LIPA: variants seen among roughly 807,000 people sequenced by gnomAD.
The protein encoded by LIPA is lipase A, lysosomal acid type.
In LIPA, 26 loss-of-function variants were observed where a neutral mutation model predicts 40.6. That is an observed-to-expected ratio of 0.64 (90% CI 0.47 to 0.89). The LOEUF (loss-of-function observed/expected upper bound fraction) is 0.89. LIPA is among the 40% of genes least tolerant of loss of function. The pLI is 0.00. For synonymous variants in LIPA, 188 were observed against 168.4 expected (o/e 1.12, Z -0.90); for missense variants, 455 against 479.6 (o/e 0.95, Z 0.48).
intron 2 of LIPA, among the ~76,000 whole-genome samples, chr10:89,375,838 G>C (rs1247325115): frequency 6.6e-6 from 1 of 152,108 alleles, no homozygotes; most frequent in Non-Finnish European, 1.5e-5. Context: ...GTAATGTTGA[G>C]ATTTGGTGGG....
At chr10:89,400,321 TG>T (rs1463422430) in intron 2 of LIPA, among the ~76,000 whole-genome samples, 14 of 152,224 alleles carry the variant, frequency 9.2e-5, no homozygotes, top group African/African-American at 3.1e-4. Flanking sequence ...AAAATGTCAT[TG>T]GGATTTTTAT....
chr10:89,314,824 C>T (rs1314852682), intron 1 of LIPA, among the ~76,000 whole-genome samples: 3 of 152,206 alleles, frequency 2.0e-5, no homozygotes, highest in Non-Finnish European at 4.4e-5. Context: ...TCCTACTGTA[C>T]TGGAAAAATA....
At chr10:89,229,021 T>C (rs1359061348) in intron 3 of LIPA, among the ~76,000 whole-genome samples, 1 of 152,002 alleles carries the variant, frequency 6.6e-6, no homozygotes. Context: ...CCCAAAGGAG[T>C]TGAAAACTTA....
At chr10:89,260,326 C>T (rs903936077) in intron 1 of LIPA, among the ~76,000 whole-genome samples, 1 of 152,178 alleles carries the variant, frequency 6.6e-6, no homozygotes, top group Non-Finnish European at 1.5e-5. Context: ...TGATAGGCCA[C>T]TCTCCTAAGG....
intron 1 of LIPA, among the ~76,000 whole-genome samples, chr10:89,312,818 A>T (rs12245131): frequency 0.028 from 4,313 of 151,390 alleles, 149 homozygotes; most frequent in African/African-American, 0.08. Flanking sequence ...CAAAAAAAAA[A>T]AATAATAATA....
At chr10:89,225,292 A>G in intron 5 of LIPA, 64 bp from the exon 6 acceptor site, 2 of 1,604,686 alleles carry the variant, frequency 1.2e-6, no homozygotes, top group Non-Finnish European at 1.7e-6. Flanking sequence ...CAGAAAACAC[A>G]AAGGCCGTCA....
chr10:89,362,693 A>C (rs1364578549), intron 2 of LIPA: 1 of 670,068 alleles, frequency 1.5e-6, no homozygotes, highest in Non-Finnish European at 2.4e-6. Flanking sequence ...AGAAGTTTGC[A>C]AATGCTTCCC....
At chr10:89,340,203 G>A (rs1843841127) in intron 1 of LIPA, 4 of 1,469,368 alleles carry the variant, frequency 2.7e-6, no homozygotes, top group African/African-American at 2.8e-5. Context: ...AAGACAGGGG[G>A]CCCCAACCTG....
chr10:89,287,860 C>T (rs1843349987), intron 1 of LIPA, among the ~76,000 whole-genome samples: 1 of 152,176 alleles, frequency 6.6e-6, no homozygotes, highest in Non-Finnish European at 1.5e-5. Flanking sequence ...AATTGTTTTG[C>T]CTATCCACCC....
intron 2 of LIPA, chr10:89,384,056 C>G: frequency 6.2e-7 from 1 of 1,614,208 alleles, no homozygotes; most frequent in Non-Finnish European, 8.5e-7. Flanking sequence ...ACCAGTATAT[C>G]TTCACAGGCC....
At chr10:89,319,431 C>T (rs1843559288) in intron 1 of LIPA, among the ~76,000 whole-genome samples, 1 of 152,152 alleles carries the variant, frequency 6.6e-6, no homozygotes, top group Admixed American at 6.5e-5. Context: ...ATACTATAAA[C>T]ACCTCTATGC....
chr10:89,389,035 G>T (rs1296931150), intron 2 of LIPA, among the ~76,000 whole-genome samples: 1 of 152,144 alleles, frequency 6.6e-6, no homozygotes, highest in Admixed American at 6.5e-5. Context: ...CAAGAAAATA[G>T]TTTTCATACA....
At chr10:89,411,348 T>A (rs1841467993) in intron 2 of LIPA, among the ~76,000 whole-genome samples, 1 of 151,370 alleles carries the variant, frequency 6.6e-6, no homozygotes, top group Non-Finnish European at 1.5e-5. Context: ...AGAAGCAGTG[T>A]TAGGAAAATT....
chr10:89,245,851 A>G (rs914005572), intron 2 of LIPA, 58 bp from the exon 3 acceptor site: 26 of 862,278 alleles, frequency 3.0e-5, no homozygotes, highest in Non-Finnish European at 4.9e-5. Context: ...AGTCTCCCAC[A>G]TTAACAAGCA....
intron 2 of LIPA, among the ~76,000 whole-genome samples, chr10:89,358,290 T>C (rs1844000403): frequency 6.6e-6 from 1 of 152,084 alleles, no homozygotes. Context: ...AAATAATGAA[T>C]GCTGATGAGG....
intron 1 of LIPA, among the ~76,000 whole-genome samples, chr10:89,325,709 G>T (rs1207279178): frequency 6.6e-6 from 1 of 152,058 alleles, no homozygotes; most frequent in Admixed American, 6.6e-5. Context: ...CCTACTTGAG[G>T]GTAAAGAATG....
At chr10:89,384,591 TA>T in intron 2 of LIPA, 1 of 1,614,172 alleles carries the variant, frequency 6.2e-7, no homozygotes, top group Non-Finnish European at 8.5e-7. Flanking sequence ...AGAAATTGGC[TA>T]AAAGATGTAT....
intron 1 of LIPA, among the ~76,000 whole-genome samples, chr10:89,267,608 T>C (rs1004194231): frequency 2.1e-5 from 3 of 145,264 alleles, no homozygotes; most frequent in East Asian, 2.1e-4. Flanking sequence ...AGGGGTAGCA[T>C]TGGGAGATAT....
chr10:89,297,118 G>C (rs1173133811), intron 1 of LIPA, among the ~76,000 whole-genome samples: 1 of 152,218 alleles, frequency 6.6e-6, no homozygotes, highest in Non-Finnish European at 1.5e-5. Flanking sequence ...CGCAGAAGAA[G>C]AAGGTATCAA....
Sources: gnomAD v4.1 joint callset for allele counts (sites outside exome capture counted in the v4.1 genomes callset) on GRCh38, gnomAD v4.1.1 for gene constraint, MANE v1.5 for transcripts, NCBI Gene and HGNC (gene_info 2026-07-23, HGNC 2026-07-21) for gene names.